TMEM163: variants seen among roughly 807,000 people sequenced by gnomAD.
TMEM163 encodes transmembrane protein 163.
A neutral mutation model predicts 29.3 loss-of-function variants in TMEM163; 17 were observed. The ratio of observed to expected loss-of-function variants is 0.58; its 90% CI spans 0.40 to 0.87. The LOEUF (loss-of-function observed/expected upper bound fraction) is 0.87, where lower values mean the gene tolerates loss of function less well. Ranked by LOEUF, TMEM163 falls within the 40% of genes least tolerant of loss-of-function variation. The pLI is 0.00. For missense variants in TMEM163, 303 were observed against 381.5 expected, an observed-to-expected ratio of 0.79 and a Z score of 1.71; for synonymous variants, 157 against 160.6, an observed-to-expected ratio of 0.98 and a Z score of 0.17.
intron 2 of TMEM163, among the ~76,000 whole-genome samples, chr2:134,561,950 T>C (rs540900461): frequency 1.1e-4 from 17 of 152,326 alleles, no homozygotes; most frequent in Admixed American, 2.0e-4. Context: ...GCCTTATGTT[T>C]CCCTTAATCA....
chr2:134,657,686 C>T (rs1683650964), intron 2 of TMEM163, among the ~76,000 whole-genome samples: 1 of 152,128 alleles, frequency 6.6e-6, no homozygotes, highest in African/African-American at 2.4e-5. Context: ...GCCTGTAATC[C>T]GAGCTACTTA....
chr2:134,591,145 C>G (rs1351188668), intron 2 of TMEM163, among the ~76,000 whole-genome samples: 1 of 152,210 alleles, frequency 6.6e-6, no homozygotes, highest in Non-Finnish European at 1.5e-5. Context: ...CTTATAAAAG[C>G]CTTTGCATTC....
intron 4 of TMEM163, 150 bp downstream of exon 4, chr2:134,550,420 G>C (rs1680888310): frequency 1.2e-5 from 8 of 644,870 alleles, no homozygotes; most frequent in Middle Eastern, 4.1e-4. Context: ...CACATGGCTG[G>C]CATTGCACTA....
chr2:134,564,607 T>C (rs1010041334), intron 2 of TMEM163, among the ~76,000 whole-genome samples: 2 of 152,154 alleles, frequency 1.3e-5, no homozygotes, highest in African/African-American at 4.8e-5. Flanking sequence ...TTATAAAACA[T>C]AACTACCAGG....
At chr2:134,461,843 C>T (rs571785138) in intron 6 of TMEM163, among the ~76,000 whole-genome samples, 8 of 152,336 alleles carry the variant, frequency 5.3e-5, no homozygotes, top group African/African-American at 1.9e-4. Context: ...AAAGGGGATG[C>T]TTGGCTCTGC....
At chr2:134,668,598 C>G (rs1455479157) in intron 2 of TMEM163, among the ~76,000 whole-genome samples, 1 of 149,038 alleles carries the variant, frequency 6.7e-6, no homozygotes, top group African/African-American at 2.5e-5. Flanking sequence ...GCACTCCAGG[C>G]TGGGTGACAA....
intron 2 of TMEM163, among the ~76,000 whole-genome samples, chr2:134,685,716 C>T (rs1265705420): frequency 6.6e-6 from 1 of 152,116 alleles, no homozygotes; most frequent in Non-Finnish European, 1.5e-5. Context: ...AGAAACACCA[C>T]CAAAACTAAG....
At chr2:134,617,863 C>A (rs1682642438) in intron 2 of TMEM163, among the ~76,000 whole-genome samples, 1 of 152,096 alleles carries the variant, frequency 6.6e-6, no homozygotes, top group Non-Finnish European at 1.5e-5. Context: ...ATGATCCCAG[C>A]ACTTTGGGAG....
At chr2:134,599,802 A>C (rs1682184402) in intron 2 of TMEM163, among the ~76,000 whole-genome samples, 1 of 150,552 alleles carries the variant, frequency 6.6e-6, no homozygotes, top group Admixed American at 6.6e-5. Context: ...CAGAGTGTTG[A>C]GATTACAGGC....
chr2:134,455,857 C>G lies in TMEM163; in HGVS notation c.*859G>C, dbSNP rs1686370684. The G allele has an allele frequency of 6.6e-6, 1 of 152,524 alleles. No individual in the cohort carries two copies. Among genetic ancestry groups the G allele is most frequent in the South Asian group, 2.1e-4 (1 of 4,826 alleles). 9.4% of individuals were successfully genotyped at this position (152,524 alleles called of 1,614,324 possible). On this transcript the variant is annotated 3_prime_UTR_variant, in exon 8 of 8. Coordinates refer to ENST00000281924, the MANE Select transcript of TMEM163 (RefSeq NM_030923.5). ...AGAACGGTGCGGGTTGGGGAACACT[C>G]TACAGAATCTAAACCTACCGTGACA...
At chr2:134,710,735 T>A (rs973713755) in intron 2 of TMEM163, among the ~76,000 whole-genome samples, 8 of 152,064 alleles carry the variant, frequency 5.3e-5, no homozygotes, top group African/African-American at 1.9e-4. Context: ...CTGCCCCAAA[T>A]TTTTCACCAT....
chr2:134,678,569 C>T (rs568719566), intron 2 of TMEM163, among the ~76,000 whole-genome samples: 200 of 152,320 alleles, frequency 1.3e-3, no homozygotes, highest in African/African-American at 4.2e-3. Context: ...TCCACATATC[C>T]GCTGAGAGGG....
At chr2:134,475,875 T>C (rs1471901949) in intron 5 of TMEM163, among the ~76,000 whole-genome samples, 1 of 152,192 alleles carries the variant, frequency 6.6e-6, no homozygotes, top group Non-Finnish European at 1.5e-5. Flanking sequence ...AACTCTCATA[T>C]GTTGCTGGTG....
At chr2:134,662,914 C>T (rs1366567567) in intron 2 of TMEM163, among the ~76,000 whole-genome samples, 1 of 152,200 alleles carries the variant, frequency 6.6e-6, no homozygotes, top group Non-Finnish European at 1.5e-5. Context: ...CAGTGGGCAC[C>T]TTGTGTGATG....
intron 2 of TMEM163, among the ~76,000 whole-genome samples, chr2:134,579,966 T>A (rs536969726): frequency 2.4e-3 from 372 of 152,064 alleles, no homozygotes; most frequent in African/African-American, 8.3e-3. Flanking sequence ...TTTAAAAAAA[T>A]AAAATGATGA....
At chr2:134,517,035 T>C (rs1262473954) in intron 4 of TMEM163, among the ~76,000 whole-genome samples, 3 of 152,108 alleles carry the variant, frequency 2.0e-5, no homozygotes, top group Non-Finnish European at 4.4e-5. Context: ...CTTATCATGC[T>C]GACTTGCTTT....
At chr2:134,464,051 G>A (rs955480653) in intron 6 of TMEM163, among the ~76,000 whole-genome samples, 4 of 152,142 alleles carry the variant, frequency 2.6e-5, no homozygotes, top group African/African-American at 4.8e-5. Flanking sequence ...CAATCCTCTC[G>A]CCATTTTAAA....
intron 2 of TMEM163, among the ~76,000 whole-genome samples, chr2:134,664,482 A>T (rs1335574368): frequency 1.3e-5 from 2 of 152,200 alleles, no homozygotes; most frequent in African/African-American, 4.8e-5. Flanking sequence ...AATCCCTGGG[A>T]TCTGTAAACA....
intron 5 of TMEM163, among the ~76,000 whole-genome samples, chr2:134,485,424 T>C (rs939944305): frequency 6.6e-6 from 1 of 152,194 alleles, no homozygotes; most frequent in Non-Finnish European, 1.5e-5. Context: ...CATCGTAAGT[T>C]GGGGACCATA....
Sources: allele counts gnomAD v4.1 joint callset (sites outside exome capture counted in the v4.1 genomes callset), GRCh38; gene constraint gnomAD v4.1.1; transcripts MANE v1.5; gene names NCBI Gene and HGNC (gene_info 2026-07-23, HGNC 2026-07-21).